Variants in CSMD1 observed in about 807,000 individuals in gnomAD.
CSMD1 encodes CUB and sushi domain-containing protein 1.
Under a neutral mutation model 417.5 loss-of-function variants are expected in CSMD1, and 213 were observed. That is an observed-to-expected ratio of 0.51 (90% CI 0.46 to 0.57). CSMD1 has a LOEUF of 0.57. CSMD1 is among the 20% of genes least tolerant of loss of function. CSMD1 has a pLI of 0.00. For synonymous variants in CSMD1, 2,862 were observed against 1,736.8 expected, an observed-to-expected ratio of 1.65 and a Z score of -16.11; for missense variants, 6,923 against 4,529.7, an observed-to-expected ratio of 1.53 and a Z score of -15.17.
intron 1 of CSMD1, among the ~76,000 whole-genome samples, chr8:4,867,680 T>C (rs1802497496): frequency 6.6e-6 from 1 of 152,120 alleles, no homozygotes; most frequent in South Asian, 2.1e-4. Context: ...AAAAGTTATA[T>C]GTTTAGAATC....
In CSMD1 at chr8:3,485,568, GA is replaced by G. The variant is rs557930007; in HGVS notation, c.1448+8054del. On this transcript the variant is annotated intron_variant, in intron 11 of 69. Coordinates refer to ENST00000635120, the MANE Select transcript of CSMD1 (RefSeq NM_033225.6). ...AGAGAGAGAGAGAGAGAGAGAGGGA[GA>G]GAGAGAAACACAAATGAATACAAAT... Among the ~76,000 whole-genome samples, 1,156 of 151,020 alleles carry G rather than the reference GA, an allele frequency of 7.7e-3. 11 individuals carry two copies. Among genetic ancestry groups the G allele is most frequent in the South Asian group, 0.022 (103 of 4,738 alleles).
At chr8:4,755,420 G>A (rs1053291469) in intron 1 of CSMD1, among the ~76,000 whole-genome samples, 1 of 152,062 alleles carries the variant, frequency 6.6e-6, no homozygotes, top group South Asian at 2.1e-4. Flanking sequence ...ATGACTTCAA[G>A]TACTTATTTA....
In CSMD1 at chr8:4,185,683, T is replaced by C. The variant is rs528716669; in HGVS notation, c.416-153584A>G. Among the ~76,000 whole-genome samples, 5 of 152,324 alleles carry C rather than the reference T, an allele frequency of 3.3e-5. No homozygotes were observed. In the East Asian group the frequency reaches 7.7e-4, roughly 24 times the overall value. On this transcript the variant is annotated intron_variant, in intron 3 of 69. Coordinates refer to ENST00000635120, the MANE Select transcript of CSMD1 (RefSeq NM_033225.6). The stretch of plus-strand genomic sequence containing the variant: ...CATAGTCACGTAAATGCCCAATGAA[T>C]GTCTAGTTTGAAGACATGTACTGAA...
At chr8:4,093,591 G>T (rs940826883) in intron 3 of CSMD1, among the ~76,000 whole-genome samples, 5 of 152,048 alleles carry the variant, frequency 3.3e-5, no homozygotes, top group African/African-American at 9.7e-5. Context: ...GCAGAATATC[G>T]GTATGCTTTT....
intron 6 of CSMD1, among the ~76,000 whole-genome samples, chr8:3,715,196 T>C (rs966974524): frequency 2.0e-5 from 3 of 152,202 alleles, no homozygotes; most frequent in African/African-American, 7.2e-5. Context: ...AAAGTACCTG[T>C]ATAGTTAAAC....
intron 3 of CSMD1, among the ~76,000 whole-genome samples, chr8:4,037,386 C>T (rs886846132): frequency 3.3e-5 from 5 of 152,206 alleles, no homozygotes; most frequent in South Asian, 2.1e-4. Flanking sequence ...ATCAGCTCCA[C>T]GCAACAGCCC....
At chr8:4,383,438 C>T (rs758904475) in intron 3 of CSMD1, among the ~76,000 whole-genome samples, 1 of 152,138 alleles carries the variant, frequency 6.6e-6, no homozygotes, top group Admixed American at 6.6e-5. Context: ...AGCCAGATAC[C>T]ATGAATTTCA....
At chr8:2,993,742 C>T (rs186167587) in intron 54 of CSMD1, among the ~76,000 whole-genome samples, 38 of 152,158 alleles carry the variant, frequency 2.5e-4, no homozygotes, top group East Asian at 1.2e-3. Context: ...AGTTTTAGGA[C>T]GTAGACTGAG....
At chr8:3,291,816 C>G (rs1803593729) in intron 25 of CSMD1, among the ~76,000 whole-genome samples, 1 of 152,028 alleles carries the variant, frequency 6.6e-6, no homozygotes, top group South Asian at 2.1e-4. Context: ...TTTTTTGCGT[C>G]TCTATTTCCT....
rs58175562 is a variant in CSMD1 at position 4,897,657 on chromosome 8, A to T, written c.85+96675T>A. Reference sequence around the variant, plus strand: ...AATGTCCAATAATATGATATTATTTATACAGTATCTTAAGCCAGCACAACT... The same window carrying T: ...AATGTCCAATAATATGATATTATTTTTACAGTATCTTAAGCCAGCACAACT... On this transcript the variant is annotated intron_variant, in intron 1 of 69. Coordinates refer to ENST00000635120, the MANE Select transcript of CSMD1 (RefSeq NM_033225.6). 9.4e-3 allele frequency among the ~76,000 whole-genome samples: 1,426 copies of T among 152,276 alleles called. 41 individuals are homozygous for T. Among genetic ancestry groups the T allele is most frequent in the African/African-American group, 0.033 (1,386 of 41,496 alleles).
chr8:4,875,707 C>T (rs375670386), intron 1 of CSMD1, among the ~76,000 whole-genome samples: 1 of 151,948 alleles, frequency 6.6e-6, no homozygotes, highest in East Asian at 1.9e-4. Context: ...GCTGAGAAAC[C>T]AAGATAAATA....
At chr8:3,257,932 T>C (rs1463611387) in intron 26 of CSMD1, among the ~76,000 whole-genome samples, 1 of 152,080 alleles carries the variant, frequency 6.6e-6, no homozygotes, top group African/African-American at 2.4e-5. Flanking sequence ...AAAGAATTAA[T>C]GTAGCCACTG....
intron 10 of CSMD1, among the ~76,000 whole-genome samples, chr8:3,559,951 G>T (rs914542236): frequency 3.3e-5 from 5 of 152,122 alleles, no homozygotes; most frequent in Non-Finnish European, 7.3e-5. Context: ...TGACAGAGGA[G>T]GAAAGCCGTG....
chr8:3,980,837 T>C (rs886131215), intron 5 of CSMD1, among the ~76,000 whole-genome samples: 3 of 152,288 alleles, frequency 2.0e-5, no homozygotes, highest in African/African-American at 7.2e-5. Flanking sequence ...CTCCCAGCAG[T>C]TGGCTACTTT....
chr8:3,983,409 C>A (rs757227711), intron 5 of CSMD1, among the ~76,000 whole-genome samples: 51 of 152,074 alleles, frequency 3.4e-4, no homozygotes, highest in Admixed American at 2.6e-3. Context: ...GGATTACAGG[C>A]GTGAGCCACC....
intron 1 of CSMD1, among the ~76,000 whole-genome samples, chr8:4,703,852 C>T (rs576582648): frequency 1.3e-5 from 2 of 152,128 alleles, no homozygotes; most frequent in Admixed American, 1.3e-4. Flanking sequence ...CTCTGGCAGA[C>T]AATTTTTCCA....
chr8:3,486,839 G>T (rs13250213), intron 11 of CSMD1, among the ~76,000 whole-genome samples: 5,764 of 152,282 alleles, frequency 0.038, 109 homozygotes, highest in Non-Finnish European at 0.052. Context: ...CCAGTGGTTT[G>T]TTTATCCCCC....
chr8:4,376,792 GTT>G (rs1178736903), intron 3 of CSMD1, among the ~76,000 whole-genome samples: 6 of 152,122 alleles, frequency 3.9e-5, no homozygotes, highest in African/African-American at 7.2e-5. Context: ...TCTATTTTCT[GTT>G]GTCCGACCTC....
chr8:3,258,150 G>A (rs1303923899), intron 26 of CSMD1, among the ~76,000 whole-genome samples: 1 of 151,812 alleles, frequency 6.6e-6, no homozygotes, highest in Non-Finnish European at 1.5e-5. Context: ...GAATGAACAG[G>A]GTAAACAGAC....
Sources: gnomAD v4.1 joint callset for allele counts (sites outside exome capture counted in the v4.1 genomes callset) on GRCh38, gnomAD v4.1.1 for gene constraint, MANE v1.5 for transcripts, NCBI Gene and HGNC (gene_info 2026-07-23, HGNC 2026-07-21) for gene names.